Variants in POLE observed in about 807,000 individuals in gnomAD.
The protein encoded by POLE is DNA polymerase epsilon catalytic subunit A.
POLE carries 188 observed loss-of-function variants against 279.2 expected under a neutral mutation model. The observed-to-expected ratio is 0.67, with a 90% CI of 0.60 to 0.76. The LOEUF (loss-of-function observed/expected upper bound fraction) is 0.76, where lower values mean the gene tolerates loss of function less well. Ranked by LOEUF, POLE falls within the 30% of genes least tolerant of loss-of-function variation. The pLI is 0.00. For synonymous variants in POLE, 1,214 were observed against 1,172.5 expected (o/e 1.04, Z -0.72); for missense variants, 2,703 against 3,016.7 (o/e 0.90, Z 2.44).
At position 132,632,337 on chromosome 12, in the gene POLE, T is replaced by G. The variant is rs1555220870; in HGVS notation, c.6308A>C (p.Glu2103Ala). ...CACCTTGCACACGTATTTGATGAAC[T>G]CCAGGGCAGGGTTATTGAGCAGCAA... ...SHLLLNNPAL[E>A]FIKYVCKVLS... The change falls in exon 45 of 49, where the codon GAG becomes GCG. Residue 2103 changes from glutamate (E) to alanine (A), a missense_variant. Glu to Ala is a moderately radical substitution (Grantham distance 107). Around this residue, in one of 5 missense-constraint regions of POLE, gnomAD observed 1,551 missense variants for 1,686.1 expected, o/e 0.92. Transcript: ENST00000320574. 1 of 1,614,086 alleles carries G rather than the reference T, an allele frequency of 6.2e-7. No individual in the cohort carries two copies. The highest frequency in any genetic ancestry group is 8.5e-7 in the Non-Finnish European group (1 of 1,179,942).
chr12:132,668,230 A>G lies in POLE; in HGVS notation c.2173+126T>C. 9.4e-7 allele frequency: 1 copy of G among 1,064,636 alleles called. No individual in the cohort carries two copies. Among genetic ancestry groups the G allele is most frequent in the Admixed American group, 2.6e-5 (1 of 39,118 alleles). 65.9% of individuals were successfully genotyped at this position (1,064,636 alleles called of 1,614,324 possible). On this transcript the variant is annotated intron_variant, in intron 19 of 48. Coordinates refer to ENST00000320574, the MANE Select transcript of POLE (RefSeq NM_006231.4). The surrounding 1 kb of genome is among the most constrained non-coding windows in gnomAD (Gnocchi z 4.0). The stretch of plus-strand genomic sequence containing the variant: ...AGCACAGCTTACAGTGACCTAGAGC[A>G]GCTTCTGGTCTGCTGTGACAACACC...
intron 16 of POLE, 38 bp downstream of exon 16, chr12:132,672,177 A>C: frequency 6.9e-7 from 1 of 1,445,608 alleles, no homozygotes; most frequent in South Asian, 1.1e-5. Flanking sequence ...AGAAGGCGCC[A>C]AACACAGACT....
At chr12:132,673,430 G>T in intron 13 of POLE, 145 bp downstream of exon 13, 1 of 1,293,628 alleles carries the variant, frequency 7.7e-7, no homozygotes, top group Non-Finnish European at 1.1e-6. Flanking sequence ...CGGAGACACA[G>T]CCTGCTGGGT....
rs746736600 is a variant in POLE at position 132,632,317 on chromosome 12, T to C, written c.6328A>G (p.Lys2110Glu). 2.0e-5 allele frequency: 32 copies of C among 1,613,362 alleles called. No homozygotes were observed. Among genetic ancestry groups the C allele is most frequent in the Non-Finnish European group, 2.5e-5 (30 of 1,179,420 alleles). Residue 2110 changes from lysine (K) to glutamate (E), a missense_variant and splice_region_variant, in exon 45 of 49, where the codon AAG (lysine) becomes GAG (glutamate). Physicochemically the swap from Lys to Glu is moderately conservative, Grantham distance 56 (BLOSUM62 1). This residue lies in a region of POLE where 1,551 missense variants were observed against 1,686.1 expected (regional missense o/e 0.92). Coordinates refer to ENST00000320574, the MANE Select transcript of POLE (RefSeq NM_006231.4). ...PALEFIKYVC[K>E]VLSLDTNITN... ...CACACGCACGCTGGCACTCTCACCT[T>C]GCACACGTATTTGATGAACTCCAGG...
rs140203176 is a variant in POLE at position 132,629,989 on chromosome 12, C to T, written c.6330+2326G>A. ...TTTCTATAGTGTTGTGTCACCGGGA[C>T]TGGGGAGGCCCAAGGAGAAAGGGCG... On this transcript the variant is annotated intron_variant, in intron 45 of 48. Coordinates refer to ENST00000320574, the MANE Select transcript of POLE (RefSeq NM_006231.4). Among the ~76,000 whole-genome samples, 221 of 152,270 alleles carry T rather than the reference C, an allele frequency of 1.5e-3. 2 individuals are homozygous for T. In the East Asian group the frequency reaches 0.033, roughly 23 times the overall value.
chr12:132,639,072 G>A lies in POLE; in HGVS notation c.5552+53C>T, dbSNP rs2138507417. On this transcript the variant is annotated intron_variant, in intron 40 of 48. Transcript: ENST00000320574. This position sits in a 1 kb window ranked among gnomAD's most constrained non-coding sequence, Gnocchi z 4.7. ...CATGTCTCTGGTTCTGGGGAGTAAG[G>A]GACCAGCCCAGCTGAGGACGCGGTG... 6.5e-7 allele frequency: 1 copy of A among 1,529,182 alleles called. No individual in the cohort carries two copies. The highest frequency in any genetic ancestry group is 9.0e-7 in the Non-Finnish European group (1 of 1,105,930). 94.7% of individuals were successfully genotyped at this position (1,529,182 alleles called of 1,614,324 possible).
Position 132,632,260 on chromosome 12 carries a change from C to T in POLE, c.6330+55G>A, listed in dbSNP as rs184079751. On this transcript the variant is annotated intron_variant, in intron 45 of 48. Coordinates refer to ENST00000320574, the MANE Select transcript of POLE (RefSeq NM_006231.4). ...CTCACCTTGCACACAGTAACATTCT[C>T]GCCTTACACATGTACGTTAGTGTCC... is the stretch of plus-strand genomic sequence containing the variant. 88 of 1,393,002 alleles carry T rather than the reference C, an allele frequency of 6.3e-5. 1 individual carries two copies. In the Admixed American group the frequency reaches 1.4e-3, roughly 22 times the overall value. The allele number at this position is 1,393,002 out of a possible 1,614,324, so 86.3% of individuals were successfully genotyped here. A position where few individuals can be genotyped will look rare whatever the true frequency, so the allele number is the denominator to read the frequency against.
chr12:132,642,545 T>C lies in POLE; in HGVS notation c.4913A>G (p.Asn1638Ser), dbSNP rs771399151. Residue 1638 changes from asparagine to serine, a missense_variant, in exon 37 of 49, where the codon AAC becomes AGC. By Grantham distance (46) the Asn-to-Ser change is conservative (BLOSUM62 1). This residue lies in a region of POLE where 1,551 missense variants were observed against 1,686.1 expected (regional missense o/e 0.92). Coordinates refer to ENST00000320574, the MANE Select transcript of POLE (RefSeq NM_006231.4). ...GARRMIRHYL[N>S]LDTCLSQAFE... ...GGCCTGCGACAGGCAGGTGTCCAGG[T>C]TGAGGTAGTGACGGATCATGCGCCG... 1.2e-6 allele frequency: 2 copies of C among 1,613,526 alleles called. No homozygotes were observed. Among genetic ancestry groups the C allele is most frequent in the Non-Finnish European group, 1.7e-6 (2 of 1,180,004 alleles).
intron 13 of POLE, 24 bp from the exon 14 acceptor site, chr12:132,673,301 A>T (rs2135997328): frequency 1.3e-6 from 2 of 1,498,622 alleles, no homozygotes; most frequent in Non-Finnish European, 1.9e-6. Context: ...GCCAGAGAGC[A>T]GGGCCATCAA....
rs552386615 is a variant in POLE, at chr12:132,677,596, A to T, written c.702T>A (p.Ile234=). The part of the protein sequence containing the change: ...YDVPYHIRLS[I]DLKIHVAHWY... ...CACTCACCACGTGGATCTTCAGGTC[A>T]ATGGAGAGGCGGATGTGGTAGGGAA... is the stretch of plus-strand genomic sequence containing the variant. Residue 234 remains isoleucine, a synonymous_variant, in exon 7 of 49, where the codon ATT becomes ATA. Coordinates refer to ENST00000320574, the MANE Select transcript of POLE (RefSeq NM_006231.4). The T allele has an allele frequency of 6.2e-7, 1 of 1,614,218 alleles. No homozygotes were observed. Among genetic ancestry groups the T allele is most frequent in the Non-Finnish European group, 8.5e-7 (1 of 1,180,046 alleles).
chr12:132,632,580 T>G, intron 44 of POLE, 72 bp from the exon 45 acceptor site: 1 of 1,607,714 alleles, frequency 6.2e-7, no homozygotes, highest in Non-Finnish European at 8.5e-7. Flanking sequence ...CCTGGGGGAC[T>G]GGCACCGGGG....
Position 132,632,446 on chromosome 12 carries a change from T to C in POLE, c.6199A>G (p.Thr2067Ala). ...NELTQSFFTITQKIQKKVTGS... is the reference protein window; with the variant it reads ...NELTQSFFTIAQKIQKKVTGS... The stretch of plus-strand genomic sequence containing the variant: ...GTGACTTTCTTCTGAATCTTCTGAG[T>C]GATGGTGAAGAAGCTCTGAGTGAGC... The change falls in exon 45 of 49, where the codon ACT (threonine) becomes GCT (alanine). Residue 2067 changes from threonine to alanine, a missense_variant. Physicochemically the swap from Thr to Ala is moderately conservative, Grantham distance 58. Coordinates refer to ENST00000320574, the MANE Select transcript of POLE (RefSeq NM_006231.4). 1 of 1,613,784 alleles carries C rather than the reference T, an allele frequency of 6.2e-7. No homozygotes were observed. Among genetic ancestry groups the C allele is most frequent in the Non-Finnish European group, 8.5e-7 (1 of 1,179,794 alleles).
At chr12:132,626,434 C>T in intron 45 of POLE, 117 bp from the exon 46 acceptor site, 1 of 941,584 alleles carries the variant, frequency 1.1e-6, no homozygotes. Flanking sequence ...TCCTCCCTTC[C>T]TTAGTCCCTT....
intron 45 of POLE, among the ~76,000 whole-genome samples, chr12:132,626,681 A>T (rs5745062): frequency 0.021 from 3,153 of 152,280 alleles, 54 homozygotes; most frequent in East Asian, 0.028. Flanking sequence ...CAGACACAAA[A>T]ATGCGCAACG....
intron 29 of POLE, among the ~76,000 whole-genome samples, chr12:132,653,292 G>A (rs914919060): frequency 6.6e-6 from 1 of 152,190 alleles, no homozygotes; most frequent in African/African-American, 2.4e-5. Context: ...GGAGGATAAC[G>A]TGAGATTAAG....
chr12:132,682,002 T>C (rs190160233), intron 1 of POLE, among the ~76,000 whole-genome samples: 62 of 152,248 alleles, frequency 4.1e-4, no homozygotes, highest in African/African-American at 1.2e-3. Flanking sequence ...CTGGCCAGCA[T>C]GGTGAAACCC....
chr12:132,660,330 T>C (rs1157282827), intron 25 of POLE: 1 of 152,550 alleles, frequency 6.6e-6, no homozygotes, highest in African/African-American at 2.4e-5. Context: ...CCCTTGCTCG[T>C]GTGTTTCACT....
Position 132,659,515 on chromosome 12 carries a change from G to C in POLE, c.3061-6C>G, listed in dbSNP as rs896731025. On this transcript the variant is annotated splice_region_variant and splice_polypyrimidine_tract_variant and intron_variant, in intron 25 of 48. Transcript: ENST00000320574. ...GAGTCAGGCATGTTGGCTGCCTAGA[G>C]AAAGACAATGGGTAAAACACTGCAG... The C allele has an allele frequency of 6.8e-6, 11 of 1,611,992 alleles. No homozygotes were observed. The highest frequency in any genetic ancestry group is 1.3e-5 in the African/African-American group (1 of 75,024).
intron 20 of POLE, among the ~76,000 whole-genome samples, chr12:132,666,950 G>A (rs914018856): frequency 6.6e-6 from 1 of 152,174 alleles, no homozygotes; most frequent in Non-Finnish European, 1.5e-5. Context: ...CGCACAGCAG[G>A]GGCCGTGCTG....
Sources: gnomAD v4.1 joint callset for allele counts (sites outside exome capture counted in the v4.1 genomes callset) on GRCh38, gnomAD v4.1.1 for gene constraint, gnomAD v4.1.1 regional missense constraint, Gnocchi (gnomAD v3.1) non-coding constraint, MANE v1.5 for transcripts, NCBI Gene and HGNC (gene_info 2026-07-23, HGNC 2026-07-21) for gene names.